The following KIAA1958 variants were observed in gnomAD, a reference collection of about 807,000 sequenced individuals.
KIAA1958 encodes uncharacterized protein KIAA1958.
Under a neutral mutation model 47.2 loss-of-function variants are expected in KIAA1958, and 14 were observed. The ratio of observed to expected loss-of-function variants is 0.30; its 90% CI spans 0.20 to 0.46. The LOEUF (loss-of-function observed/expected upper bound fraction) is 0.46, where lower values mean the gene tolerates loss of function less well. Among genes scored for constraint, KIAA1958 ranks in the 20% least tolerant of loss-of-function variants. The probability of loss-of-function intolerance (pLI) is 1.00; values close to 1 mark genes in which losing one functional copy is unlikely to be tolerated. For missense variants in KIAA1958, 803 were observed against 909.2 expected, an observed-to-expected ratio of 0.88 and a Z score of 1.50; for synonymous variants, 354 against 353.3, an observed-to-expected ratio of 1.00 and a Z score of -0.02.
intron 2 of KIAA1958, among the ~76,000 whole-genome samples, chr9:112,621,983 C>T (rs540623326): frequency 6.6e-6 from 1 of 152,300 alleles, no homozygotes; most frequent in South Asian, 2.1e-4. Context: ...CTCAAGAGAT[C>T]CTCCTGCCTT....
intron 1 of KIAA1958, among the ~76,000 whole-genome samples, chr9:112,508,092 A>G (rs1554719915): frequency 6.6e-6 from 1 of 152,136 alleles, no homozygotes; most frequent in Non-Finnish European, 1.5e-5. Context: ...TATGCAAACA[A>G]TCTCTGTTTT....
chr9:112,634,145 A>C (rs1836758408), intron 2 of KIAA1958, among the ~76,000 whole-genome samples: 1 of 152,174 alleles, frequency 6.6e-6, no homozygotes, highest in Admixed American at 6.5e-5. Flanking sequence ...TGATATTTGC[A>C]AATTTCGTTT....
chr9:112,551,467 T>C (rs567679477), intron 1 of KIAA1958, among the ~76,000 whole-genome samples: 3 of 152,362 alleles, frequency 2.0e-5, no homozygotes, highest in African/African-American at 7.2e-5. Context: ...TATTTAATGC[T>C]GATATAGCAC....
At chr9:112,513,589 GAGCCGCTGCCGCGACCGACCGC>G (rs1312181020) in intron 1 of KIAA1958, among the ~76,000 whole-genome samples, 3 of 131,722 alleles carry the variant, frequency 2.3e-5, no homozygotes, top group African/African-American at 8.5e-5. Flanking sequence ...ATACGAAGCG[GAGCCGCTGCCGCGACCGACCGC>G]AGCCGCCGCC....
intron 2 of KIAA1958, among the ~76,000 whole-genome samples, chr9:112,603,468 C>T (rs1455708553): frequency 6.6e-6 from 1 of 152,074 alleles, no homozygotes; most frequent in Non-Finnish European, 1.5e-5. Context: ...TATCCTACTG[C>T]CCTTCCTAAA....
chr9:112,645,730 C>G lies in KIAA1958; in HGVS notation c.1252C>G (p.Pro418Ala). The G allele has an allele frequency of 6.2e-7, 1 of 1,613,838 alleles. No homozygotes were observed. Among genetic ancestry groups the G allele is most frequent in the Non-Finnish European group, 8.5e-7 (1 of 1,179,892 alleles). The change falls in exon 3 of 4, where the codon CCA (proline) becomes GCA (alanine). Residue 418 changes from proline (P) to alanine (A), a missense_variant. By Grantham distance (27) the Pro-to-Ala change is conservative. This residue lies in a region of KIAA1958 where 761 missense variants were observed against 829.3 expected (regional missense o/e 0.92). Coordinates refer to ENST00000337530, the MANE Select transcript of KIAA1958 (RefSeq NM_133465.4). ...LNDLCTSAVS[P>A]NTTKATRYAL... ...TGATCTGTGTACCAGTGCAGTAAGC[C>G]CAAATACTACCAAAGCCACGCGGTA...
intron 1 of KIAA1958, among the ~76,000 whole-genome samples, chr9:112,516,251 C>A (rs1049240870): frequency 6.7e-6 from 1 of 148,426 alleles, no homozygotes; most frequent in Non-Finnish European, 1.5e-5. Flanking sequence ...GGAGACAAGC[C>A]TGGGCAACAC....
At chr9:112,552,997 G>T (rs1835181549) in intron 1 of KIAA1958, among the ~76,000 whole-genome samples, 1 of 152,046 alleles carries the variant, frequency 6.6e-6, no homozygotes. Flanking sequence ...AGATGGCATT[G>T]GTTAGTAGTA....
chr9:112,508,857 A>G (rs901917987), intron 1 of KIAA1958, among the ~76,000 whole-genome samples: 3 of 152,162 alleles, frequency 2.0e-5, no homozygotes, highest in Non-Finnish European at 2.9e-5. Flanking sequence ...CCACTAGTTA[A>G]ACTATGTGGT....
intron 1 of KIAA1958, among the ~76,000 whole-genome samples, chr9:112,534,371 ATCAT>A (rs1295236476): frequency 3.3e-5 from 5 of 152,174 alleles, no homozygotes; most frequent in African/African-American, 1.2e-4. Context: ...ACGTTTTAGT[ATCAT>A]TCTAGTCAGC....
At chr9:112,608,647 C>T (rs551858116) in intron 2 of KIAA1958, among the ~76,000 whole-genome samples, 8 of 151,880 alleles carry the variant, frequency 5.3e-5, no homozygotes, top group Non-Finnish European at 1.0e-4. Context: ...AAAAGTTAAT[C>T]GGGCATGGTG....
intron 1 of KIAA1958, among the ~76,000 whole-genome samples, chr9:112,556,092 T>C (rs1010698544): frequency 2.6e-5 from 4 of 152,138 alleles, no homozygotes; most frequent in African/African-American, 7.2e-5. Context: ...AAAAAAAAGC[T>C]TCACTTCTTA....
At chr9:112,516,262 A>G (rs910133064) in intron 1 of KIAA1958, among the ~76,000 whole-genome samples, 2 of 135,714 alleles carry the variant, frequency 1.5e-5, no homozygotes, top group African/African-American at 5.7e-5. Flanking sequence ...TGGGCAACAC[A>G]GTGAGACCTC....
chr9:112,579,586 T>C (rs1835703355), intron 2 of KIAA1958, among the ~76,000 whole-genome samples: 1 of 152,178 alleles, frequency 6.6e-6, no homozygotes. Context: ...AGTTCTGTTT[T>C]TATTGATCTC....
intron 2 of KIAA1958, among the ~76,000 whole-genome samples, chr9:112,579,086 T>G (rs994507793): frequency 2.0e-5 from 3 of 152,002 alleles, no homozygotes; most frequent in African/African-American, 7.2e-5. Context: ...CTGGATATAT[T>G]AGAAATAGTA....
intron 3 of KIAA1958, 25 bp from the exon 4 acceptor site, chr9:112,659,238 A>T (rs1588057284): frequency 6.3e-7 from 1 of 1,588,470 alleles, no homozygotes; most frequent in Non-Finnish European, 8.6e-7. Flanking sequence ...TCAAGTGTGT[A>T]ACCTCCGTGT....
intron 1 of KIAA1958, among the ~76,000 whole-genome samples, chr9:112,549,221 A>G (rs1031217506): frequency 6.6e-6 from 1 of 152,242 alleles, no homozygotes; most frequent in Non-Finnish European, 1.5e-5. Context: ...TGCTTGACAG[A>G]TAATATAAAC....
chr9:112,570,307 C>CT (rs1230242664), intron 1 of KIAA1958, among the ~76,000 whole-genome samples: 1 of 152,130 alleles, frequency 6.6e-6, no homozygotes, highest in African/African-American at 2.4e-5. Flanking sequence ...AAGCATGGTG[C>CT]TATACGTGAA....
intron 2 of KIAA1958, chr9:112,619,095 A>G (rs576145631): frequency 4.2e-6 from 2 of 475,662 alleles, no homozygotes; most frequent in South Asian, 9.5e-5. Flanking sequence ...TATTACTAAC[A>G]TAGTATTTAT....
Sources: allele counts gnomAD v4.1 joint callset (sites outside exome capture counted in the v4.1 genomes callset), GRCh38; gene constraint gnomAD v4.1.1; regional missense constraint gnomAD v4.1.1; transcripts MANE v1.5; gene names NCBI Gene and HGNC (gene_info 2026-07-23, HGNC 2026-07-21).